The following CHD1L variants were observed in gnomAD, a reference collection of about 807,000 sequenced individuals.
The protein encoded by CHD1L is ATP-dependent chromatin remodeler CHD1L.
A neutral mutation model predicts 115.9 loss-of-function variants in CHD1L; 118 were observed. The observed-to-expected ratio is 1.02, with a 90% CI of 0.88 to 1.19. The LOEUF is 1.19. Ranked by LOEUF, CHD1L falls within the 50% of genes most tolerant of loss-of-function variation. CHD1L has a pLI of 0.00. For missense variants in CHD1L, 1,179 were observed against 1,065.3 expected, an observed-to-expected ratio of 1.11 and a Z score of -1.49; for synonymous variants, 411 against 387.1, an observed-to-expected ratio of 1.06 and a Z score of -0.72.
chr1:147,293,571 C>T (rs368112118), intron 20 of CHD1L, 37 bp from the exon 21 acceptor site: 4 of 1,569,578 alleles, frequency 2.5e-6, no homozygotes, highest in Non-Finnish European at 3.5e-6. Flanking sequence ...GTGGCTGTTT[C>T]ATGTTGGGTT....
chr1:147,251,603 ACTACAAC>A (rs1452306810), intron 1 of CHD1L, among the ~76,000 whole-genome samples: 1 of 152,018 alleles, frequency 6.6e-6, no homozygotes, highest in African/African-American at 2.4e-5. Flanking sequence ...ATCTCGGCTT[ACTACAAC>A]CTCCGCCTCC....
At chr1:147,228,798 A>G in the CHD1L span, among the ~76,000 whole-genome samples, 1 of 152,198 alleles carries the variant, frequency 6.6e-6, no homozygotes, top group Admixed American at 6.5e-5. Flanking sequence ...TTGGCTGCAT[A>G]AACATCTTCT....
At chr1:147,279,929 C>T in intron 14 of CHD1L, 97 bp from the exon 15 acceptor site, 1 of 1,242,812 alleles carries the variant, frequency 8.0e-7, no homozygotes. Context: ...TAGAGAAGGA[C>T]TGTGCCTGGT....
chr1:147,295,224 C>T (rs1432215911), intron 22 of CHD1L, among the ~76,000 whole-genome samples: 2 of 152,144 alleles, frequency 1.3e-5, no homozygotes, highest in African/African-American at 4.8e-5. Context: ...TATGTGCTTG[C>T]ACAATTCGAG....
At chr1:147,272,016 A>C (rs1340644611) in intron 11 of CHD1L, among the ~76,000 whole-genome samples, 155 bp from the exon 12 acceptor site, 3 of 152,180 alleles carry the variant, frequency 2.0e-5, no homozygotes, top group Admixed American at 2.0e-4. Context: ...TGTCCCTGTT[A>C]ATTTAAATTT....
the CHD1L span, among the ~76,000 whole-genome samples, chr1:147,197,393 C>T: frequency 6.8e-4 from 104 of 152,174 alleles, 2 homozygotes; most frequent in African/African-American, 2.3e-3. Flanking sequence ...AATCATTAAG[C>T]GTCTGTTTAC....
chr1:147,292,133 T>C (rs1685771261), intron 20 of CHD1L, among the ~76,000 whole-genome samples: 1 of 152,150 alleles, frequency 6.6e-6, no homozygotes, highest in South Asian at 2.1e-4. Flanking sequence ...GGATTTCTAT[T>C]TGTCTTTTTA....
chr1:147,216,553 T>C, the CHD1L span, among the ~76,000 whole-genome samples: 1 of 152,216 alleles, frequency 6.6e-6, no homozygotes, highest in African/African-American at 2.4e-5. Flanking sequence ...ATGAAACTCC[T>C]TGCAATTTAC....
chr1:147,291,438 T>G (rs782816883), intron 19 of CHD1L, 44 bp from the exon 20 acceptor site: 9 of 1,496,208 alleles, frequency 6.0e-6, no homozygotes, highest in Non-Finnish European at 8.4e-6. Flanking sequence ...CATTCATTAG[T>G]GAACTTGGTG....
At chr1:147,182,925 C>T in the CHD1L span, among the ~76,000 whole-genome samples, 5,604 of 152,258 alleles carry the variant, frequency 0.037, 145 homozygotes, top group South Asian at 0.095. Flanking sequence ...CCAGGCCGGG[C>T]GTGGTGGCTC....
chr1:147,208,839 C>T, the CHD1L span: 4 of 1,609,532 alleles, frequency 2.5e-6, no homozygotes, highest in Non-Finnish European at 3.4e-6. Flanking sequence ...GCACTCCCAT[C>T]CTGGGAACAT....
chr1:147,189,067 A>G, the CHD1L span, among the ~76,000 whole-genome samples: 1 of 152,020 alleles, frequency 6.6e-6, no homozygotes, highest in South Asian at 2.1e-4. Context: ...CAAGGTCAGG[A>G]GTTTGAGACC....
At chr1:147,218,383 G>T in the CHD1L span, among the ~76,000 whole-genome samples, 1 of 151,206 alleles carries the variant, frequency 6.6e-6, no homozygotes, top group Admixed American at 6.6e-5. Flanking sequence ...CTACAGGCAC[G>T]CGCCACTATG....
chr1:147,233,954 C>A, the CHD1L span, among the ~76,000 whole-genome samples: 1 of 152,110 alleles, frequency 6.6e-6, no homozygotes, highest in East Asian at 1.9e-4. Context: ...GACACAAACA[C>A]TGCGGAAGGC....
At chr1:147,185,136 T>C in the CHD1L span, among the ~76,000 whole-genome samples, 1 of 151,720 alleles carries the variant, frequency 6.6e-6, no homozygotes, top group Non-Finnish European at 1.5e-5. Context: ...CTTGTTCACA[T>C]CTTTTAGCTT....
intron 22 of CHD1L, 23 bp from the exon 23 acceptor site, chr1:147,295,408 T>C (rs782569422): frequency 6.5e-7 from 1 of 1,547,454 alleles, no homozygotes; most frequent in East Asian, 2.2e-5. Flanking sequence ...ATGACATGTA[T>C]CTTCCTTGAC....
Position 147,264,432 on chromosome 1 carries a change from T to C in CHD1L, c.587T>C (p.Val196Ala). The change falls in exon 7 of 23, where the codon GTC becomes GCC. Residue 196 changes from valine to alanine, a missense_variant. Coordinates refer to ENST00000369258, the MANE Select transcript of CHD1L (RefSeq NM_004284.6). ...LHKTLSEFSV[V>A]FSLLLTGTPI... Reference sequence around the variant, plus strand: ...ATTTATGTATTTGAGTTCTCAGTAGTCTTCAGTCTCCTGTTGACCGGAACT... The same window carrying C: ...ATTTATGTATTTGAGTTCTCAGTAGCCTTCAGTCTCCTGTTGACCGGAACT... The C allele has an allele frequency of 3.1e-6, 5 of 1,607,870 alleles. No homozygotes were observed. The highest frequency in any genetic ancestry group is 4.2e-6 in the Non-Finnish European group (5 of 1,176,858).
chr1:147,212,934 G>A, the CHD1L span, among the ~76,000 whole-genome samples: 2 of 151,528 alleles, frequency 1.3e-5, no homozygotes, highest in African/African-American at 4.9e-5. Flanking sequence ...GAAAATCCAG[G>A]CCAAAGACTG....
At chr1:147,234,897 T>C in the CHD1L span, among the ~76,000 whole-genome samples, 1 of 152,158 alleles carries the variant, frequency 6.6e-6, no homozygotes, top group Non-Finnish European at 1.5e-5. Context: ...TATACTAGGG[T>C]AAATCACATC....
Sources: allele counts gnomAD v4.1 joint callset (sites outside exome capture counted in the v4.1 genomes callset), GRCh38; gene constraint gnomAD v4.1.1; transcripts MANE v1.5; gene names NCBI Gene and HGNC (gene_info 2026-07-23, HGNC 2026-07-21).